TBX18: variants seen among roughly 807,000 people sequenced by gnomAD.
TBX18 encodes T-box transcription factor TBX18.
TBX18 carries 21 observed loss-of-function variants against 55.0 expected under a neutral mutation model. That is an observed-to-expected ratio of 0.38 (90% confidence interval 0.27 to 0.55). The LOEUF is 0.55. TBX18 is among the 20% of genes least tolerant of loss of function. The pLI, the probability that TBX18 is intolerant of heterozygous loss-of-function variation, is 0.73. For synonymous variants in TBX18, 342 were observed against 326.1 expected, an observed-to-expected ratio of 1.05 and a Z score of -0.53; for missense variants, 840 against 799.6, an observed-to-expected ratio of 1.05 and a Z score of -0.61.
chr6:84,734,744 T>C lies in TBX18; in HGVS notation c.*1941A>G, dbSNP rs1182143848. 2 of 152,554 alleles carry C rather than the reference T, an allele frequency of 1.3e-5. No homozygotes were observed. The highest frequency in any genetic ancestry group is 4.8e-5 in the African/African-American group (2 of 41,448). The allele number at this position is 152,554 out of a possible 1,614,324, so 9.5% of individuals were successfully genotyped here. A position where few individuals can be genotyped will look rare whatever the true frequency, so the allele number is the denominator to read the frequency against. On this transcript the variant is annotated 3_prime_UTR_variant, in exon 8 of 8. Coordinates refer to ENST00000369663, the MANE Select transcript of TBX18 (RefSeq NM_001080508.3). ...TATAGAGCATTACTTTCCATGTTTT[T>C]TCAAGATGGAAAACTCTCTGTTCTT... is the stretch of plus-strand genomic sequence containing the variant.
chr6:84,748,067 G>A lies in TBX18; in HGVS notation c.792C>T (p.His264=). ...DQGHIILHSM[H]KYQPRVHVIR... ...TGACGTGCACTCGCGGTTGGTATTTGTGCATAGAATGAAGAATAATCTATA... is the reference window on the plus strand; with the variant it reads ...TGACGTGCACTCGCGGTTGGTATTTATGCATAGAATGAAGAATAATCTATA... The change falls in exon 5 of 8, where the codon CAC becomes CAT. Residue 264 remains histidine (H), a synonymous_variant. Coordinates refer to ENST00000369663, the MANE Select transcript of TBX18 (RefSeq NM_001080508.3). 6.2e-7 allele frequency: 1 copy of A among 1,610,972 alleles called. No individual in the cohort carries two copies. The highest frequency in any genetic ancestry group is 8.5e-7 in the Non-Finnish European group (1 of 1,177,922).
chr6:84,749,396 AAC>A (rs1483205206), intron 4 of TBX18, among the ~76,000 whole-genome samples: 6 of 152,188 alleles, frequency 3.9e-5, no homozygotes, highest in African/African-American at 4.8e-5. Flanking sequence ...GGTCAGCCCA[AAC>A]ACAGATTGTC....
Position 84,735,043 on chromosome 6 carries a change from G to A in TBX18, c.*1642C>T, listed in dbSNP as rs1258431642. Reference sequence around the variant, plus strand: ...TATCTCCCTAAGTATCTAACAAATTGTGTTGTTTCAAAGTGAAACAGCAAA... The same window carrying A: ...TATCTCCCTAAGTATCTAACAAATTATGTTGTTTCAAAGTGAAACAGCAAA... On this transcript the variant is annotated 3_prime_UTR_variant, in exon 8 of 8. Transcript: ENST00000369663. 1 of 152,194 alleles carries A rather than the reference G, an allele frequency of 6.6e-6. No homozygotes were observed. The highest frequency in any genetic ancestry group is 2.4e-5 in the African/African-American group (1 of 41,440). 9.4% of individuals were successfully genotyped at this position (152,194 alleles called of 1,614,324 possible). A position where few individuals can be genotyped will look rare whatever the true frequency, so the allele number is the denominator to read the frequency against.
In TBX18 at chr6:84,749,755, A is replaced by C. The variant is rs553136259; in HGVS notation, c.772-1668T>G. The stretch of plus-strand genomic sequence containing the variant: ...TTAATGACCCATTAGTGACTTATGA[A>C]ATCAACATGAAGGGTTGCAACCAGA... On this transcript the variant is annotated intron_variant, in intron 4 of 7. Transcript: ENST00000369663. Among the ~76,000 whole-genome samples the C allele has an allele frequency of 3.3e-5, 5 of 152,242 alleles. No individual in the cohort carries two copies. The South Asian group carries it at 1.0e-3, about 32-fold the overall frequency.
chr6:84,761,817 C>A (rs1033066567), intron 2 of TBX18, among the ~76,000 whole-genome samples: 2 of 152,132 alleles, frequency 1.3e-5, no homozygotes, highest in Non-Finnish European at 2.9e-5. Flanking sequence ...ACCGATGTAC[C>A]TTTTTATAAA....
Position 84,735,628 on chromosome 6 carries a change from T to C in TBX18, c.*1057A>G, listed in dbSNP as rs1395493379. Reference sequence around the variant, plus strand: ...AAGAAGGGGAAAAGGGTTCAATGTGTAGGAATTACAAGATATAAATAAGTA... The same window carrying C: ...AAGAAGGGGAAAAGGGTTCAATGTGCAGGAATTACAAGATATAAATAAGTA... On this transcript the variant is annotated 3_prime_UTR_variant, in exon 8 of 8. Coordinates refer to ENST00000369663, the MANE Select transcript of TBX18 (RefSeq NM_001080508.3). 6.6e-6 allele frequency: 1 copy of C among 152,182 alleles called. No homozygotes were observed. The highest frequency in any genetic ancestry group is 2.4e-5 in the African/African-American group (1 of 41,450). The allele number at this position is 152,182 out of a possible 1,614,324, so 9.4% of individuals were successfully genotyped here.
In TBX18 at chr6:84,732,947, A is replaced by G. The variant is rs1773843694; in HGVS notation, c.*3738T>C. On this transcript the variant is annotated 3_prime_UTR_variant, in exon 8 of 8. Coordinates refer to ENST00000369663, the MANE Select transcript of TBX18 (RefSeq NM_001080508.3). ...AGGACCATATGAATTGGAAACTAAAAGGAATACTAACAATTATCATCCCAG... is the reference window on the plus strand; with the variant it reads ...AGGACCATATGAATTGGAAACTAAAGGGAATACTAACAATTATCATCCCAG... The G allele has an allele frequency of 6.6e-6, 1 of 152,098 alleles. No homozygotes were observed. Among genetic ancestry groups the G allele is most frequent in the African/African-American group, 2.4e-5 (1 of 41,432 alleles). 9.4% of individuals were successfully genotyped at this position (152,098 alleles called of 1,614,324 possible). A position where few individuals can be genotyped will look rare whatever the true frequency, so the allele number is the denominator to read the frequency against.
Position 84,762,722 on chromosome 6 carries a change from C to T in TBX18, c.319G>A (p.Gly107Arg). ...AGGCEDGFQQ[G>R]ASPLASPGGS... is the part of the protein sequence containing the mutation. ...CCCGGTGACGCCAGAGGGGAAGCTC[C>T]CTGCTGGAAGCCGTCCTCACAGCCG... Residue 107 changes from glycine to arginine, a missense_variant, in exon 2 of 8, where the codon GGA becomes AGA. Gly to Arg is a moderately radical substitution (Grantham distance 125, BLOSUM62 -2). Transcript: ENST00000369663. The T allele has an allele frequency of 6.2e-7, 1 of 1,609,100 alleles. No homozygotes were observed. The highest frequency in any genetic ancestry group is 8.5e-7 in the Non-Finnish European group (1 of 1,178,240).
chr6:84,738,460 G>A (rs749185064), intron 7 of TBX18, 37 bp downstream of exon 7: 8 of 1,511,342 alleles, frequency 5.3e-6, no homozygotes, highest in East Asian at 2.3e-5. Flanking sequence ...AGGCAGGAAC[G>A]GGCTGTATAT....
chr6:84,735,356 T>C lies in TBX18; in HGVS notation c.*1329A>G, dbSNP rs1773909337. The C allele has an allele frequency of 6.6e-6, 1 of 152,244 alleles. No individual in the cohort carries two copies. Among genetic ancestry groups the C allele is most frequent in the Non-Finnish European group, 1.5e-5 (1 of 68,040 alleles). 9.4% of individuals were successfully genotyped at this position (152,244 alleles called of 1,614,324 possible). On this transcript the variant is annotated 3_prime_UTR_variant, in exon 8 of 8. Transcript: ENST00000369663. Reference sequence around the variant, plus strand: ...AAAAAATTTAATACTGATTTTAATTTCTCCAGTTCTGACATTACAAATTCT... The same window carrying C: ...AAAAAATTTAATACTGATTTTAATTCCTCCAGTTCTGACATTACAAATTCT...
Position 84,762,774 on chromosome 6 carries a change from G to C in TBX18, c.293-26C>G, listed in dbSNP as rs745721615. 4 of 1,569,268 alleles carry C rather than the reference G, an allele frequency of 2.5e-6. No homozygotes were observed. The African/African-American group carries it at 5.4e-5, about 21-fold the overall frequency. On this transcript the variant is annotated intron_variant, in intron 1 of 7. Transcript: ENST00000369663. ...CTGGACAGCAAAGGACAGAGAAAGG[G>C]AACTGGTGAGGGAAACAGAGGGGAA... is the stretch of plus-strand genomic sequence containing the variant.
chr6:84,763,985 G>T lies in TBX18; in HGVS notation c.197C>A (p.Ser66Tyr). The stretch of plus-strand genomic sequence containing the variant: ...CGCAGCGCCTTCGTCTCCCTCAGAA[G>T]AACCCTTTTCGCCCGCGCCGCCGCC... The part of the protein sequence containing the change: ...SRGGGAGEKG[S>Y]SEGDEGAALP... Residue 66 changes from serine to tyrosine, a missense_variant, in exon 1 of 8, where the codon TCT becomes TAT. Ser to Tyr is a moderately radical substitution (Grantham distance 144). Transcript: ENST00000369663. The T allele has an allele frequency of 6.3e-7, 1 of 1,581,282 alleles. No homozygotes were observed. The highest frequency in any genetic ancestry group is 8.6e-7 in the Non-Finnish European group (1 of 1,169,076).
At chr6:84,758,062 T>C (rs1225676619) in intron 3 of TBX18, among the ~76,000 whole-genome samples, 1 of 152,192 alleles carries the variant, frequency 6.6e-6, no homozygotes, top group Admixed American at 6.5e-5. Context: ...GTCTTTCATT[T>C]CTTTTCTTGG....
intron 5 of TBX18, 150 bp downstream of exon 5, chr6:84,747,770 T>G: frequency 1.6e-6 from 1 of 624,772 alleles, no homozygotes; most frequent in Non-Finnish European, 2.4e-6. Context: ...AAATCATGGA[T>G]AAAGAACTGT....
At chr6:84,758,365 G>A (rs868617431) in intron 3 of TBX18, among the ~76,000 whole-genome samples, 3 of 148,388 alleles carry the variant, frequency 2.0e-5, no homozygotes, top group African/African-American at 7.5e-5. Context: ...CCGAGATCAC[G>A]CCATTGTACT....
rs1373192091 is a variant in TBX18 at position 84,756,581 on chromosome 6, T to C, written c.771+117A>G. On this transcript the variant is annotated intron_variant, in intron 4 of 7. Coordinates refer to ENST00000369663, the MANE Select transcript of TBX18 (RefSeq NM_001080508.3). ...CTTGATTCTGCAAAGACAGTGTACA[T>C]ACTAATCAATCAGGCAATGAACATT... The C allele has an allele frequency of 3.0e-6, 3 of 994,988 alleles. No individual in the cohort carries two copies. In the African/African-American group the frequency reaches 4.8e-5, roughly 16 times the overall value. 61.6% of individuals were successfully genotyped at this position (994,988 alleles called of 1,614,324 possible).
Position 84,764,001 on chromosome 6 carries a change from C to G in TBX18, c.181G>C (p.Ala61Pro), listed in dbSNP as rs1171469376. The G allele has an allele frequency of 6.4e-7, 1 of 1,560,680 alleles. No individual in the cohort carries two copies. The highest frequency in any genetic ancestry group is 1.8e-5 in the Admixed American group (1 of 54,428). ...CCCTCAGAAGAACCCTTTTCGCCCG[C>G]GCCGCCGCCGCGGCTGCAGCCTCCG... ...DDGGCSRGGGAGEKGSSEGDE... is the reference protein window; with the variant it reads ...DDGGCSRGGGPGEKGSSEGDE... Residue 61 changes from alanine (A) to proline (P), a missense_variant, in exon 1 of 8, where the codon GCG (alanine) becomes CCG (proline). Ala to Pro is a conservative substitution (Grantham distance 27). Coordinates refer to ENST00000369663, the MANE Select transcript of TBX18 (RefSeq NM_001080508.3).
rs1773895863 is a variant in TBX18 at position 84,734,796 on chromosome 6, G to A, written c.*1889C>T. 6.6e-6 allele frequency: 1 copy of A among 152,190 alleles called. No homozygotes were observed. The highest frequency in any genetic ancestry group is 1.5e-5 in the Non-Finnish European group (1 of 68,016). 9.4% of individuals were successfully genotyped at this position (152,190 alleles called of 1,614,324 possible). On this transcript the variant is annotated 3_prime_UTR_variant, in exon 8 of 8. Coordinates refer to ENST00000369663, the MANE Select transcript of TBX18 (RefSeq NM_001080508.3). ...AATTATACACCAAGCACTATTGGCT[G>A]AGATGGACTCATTCTTAACACCTTT... is the stretch of plus-strand genomic sequence containing the variant.
In TBX18 at chr6:84,754,527, TG is replaced by T. The variant is rs573492589; in HGVS notation, c.771+2170del. On this transcript the variant is annotated intron_variant, in intron 4 of 7. Coordinates refer to ENST00000369663, the MANE Select transcript of TBX18 (RefSeq NM_001080508.3). ...TTAGACAATATACATCTCTATATTT[TG>T]CCTATTTTCTGCTATGTTATTTATT... 1.2e-3 allele frequency among the ~76,000 whole-genome samples: 177 copies of T among 152,352 alleles called. 1 individual carries two copies. Among genetic ancestry groups the T allele is most frequent in the Non-Finnish European group, 2.0e-3 (137 of 68,032 alleles).
Sources: allele counts gnomAD v4.1 joint callset (sites outside exome capture counted in the v4.1 genomes callset), GRCh38; gene constraint gnomAD v4.1.1; transcripts MANE v1.5; gene names NCBI Gene and HGNC (gene_info 2026-07-23, HGNC 2026-07-21).